Variants in ORC5 observed in about 807,000 individuals in gnomAD.
The protein encoded by ORC5 is protein phosphatase 1, regulatory subunit 117.
Under a neutral mutation model 58.8 loss-of-function variants are expected in ORC5, and 39 were observed. The observed-to-expected ratio is 0.66, with a 90% CI of 0.51 to 0.87. The LOEUF (loss-of-function observed/expected upper bound fraction) is 0.87, where lower values mean the gene tolerates loss of function less well. Ranked by LOEUF, ORC5 falls within the 40% of genes least tolerant of loss-of-function variation. ORC5 has a pLI of 0.00. For synonymous variants in ORC5, 218 were observed against 177.6 expected, an observed-to-expected ratio of 1.23 and a Z score of -1.81; for missense variants, 493 against 506.3, an observed-to-expected ratio of 0.97 and a Z score of 0.25.
chr7:104,182,092 T>C (rs1358724967), intron 8 of ORC5, among the ~76,000 whole-genome samples: 4 of 152,188 alleles, frequency 2.6e-5, no homozygotes, highest in African/African-American at 9.7e-5. Context: ...TTCTTCTAGG[T>C]TCCCCCAATC....
chr7:104,198,584 T>C (rs1350138152), intron 3 of ORC5, among the ~76,000 whole-genome samples: 6 of 152,186 alleles, frequency 3.9e-5, no homozygotes, highest in Non-Finnish European at 1.5e-5. Context: ...CATTCAGTCA[T>C]ATGCATTCAC....
At chr7:104,149,942 A>G (rs1798818733) in intron 12 of ORC5, among the ~76,000 whole-genome samples, 1 of 152,160 alleles carries the variant, frequency 6.6e-6, no homozygotes, top group Non-Finnish European at 1.5e-5. Flanking sequence ...GGGTTATACA[A>G]TATTTGTTTA....
At chr7:104,189,710 C>CTGAGCTTGGGACCCCACTGGTCCT (rs1258046909) in intron 5 of ORC5, among the ~76,000 whole-genome samples, 104 of 152,264 alleles carry the variant, frequency 6.8e-4, no homozygotes, top group African/African-American at 2.3e-3. Context: ...ACAGAAGCTC[C>CTGAGCTTGGGACCCCACTGGTCCT]TGAGCTTGGG....
chr7:104,165,454 C>T (rs758586103), intron 10 of ORC5, 172 bp from the exon 11 acceptor site: 1 of 450,510 alleles, frequency 2.2e-6, no homozygotes, highest in Non-Finnish European at 3.9e-6. Flanking sequence ...ATATTTTAGG[C>T]CAATTTCGTT....
In ORC5 at chr7:104,204,221, C is replaced by A; in HGVS notation, c.86G>T (p.Ser29Ile). ...TCCATAAATAAAAATGGATGGAAAG[C>A]TGAAATGATGTCTCTAACGAGAGAA... ...QSLFGERHHFSFPSIFIYGHT... is the reference protein window; with the variant it reads ...QSLFGERHHFIFPSIFIYGHT... The change falls in exon 2 of 14, where the codon AGC (serine) becomes ATC (isoleucine). Residue 29 changes from serine (S) to isoleucine (I), a missense_variant. Around this residue, in one of 3 missense-constraint regions of ORC5, gnomAD observed 412 missense variants for 403.7 expected, o/e 1.02. Coordinates refer to ENST00000297431, the MANE Select transcript of ORC5 (RefSeq NM_002553.4). 6.3e-7 allele frequency: 1 copy of A among 1,592,308 alleles called. No individual in the cohort carries two copies. Among genetic ancestry groups the A allele is most frequent in the South Asian group, 1.1e-5 (1 of 87,146 alleles).
chr7:104,154,309 G>C (rs984873496), intron 12 of ORC5, among the ~76,000 whole-genome samples: 11 of 151,888 alleles, frequency 7.2e-5, no homozygotes, highest in African/African-American at 2.4e-4. Flanking sequence ...ATGTCAGAAG[G>C]AAATATTCAA....
chr7:104,176,099 A>G (rs1422777119), intron 8 of ORC5, among the ~76,000 whole-genome samples: 1 of 152,250 alleles, frequency 6.6e-6, no homozygotes, highest in Non-Finnish European at 1.5e-5. Context: ...TTTATCAGAA[A>G]TATAGTTTGG....
chr7:104,200,113 T>C (rs940401891), intron 3 of ORC5, among the ~76,000 whole-genome samples: 2 of 152,186 alleles, frequency 1.3e-5, no homozygotes, highest in Non-Finnish European at 2.9e-5. Flanking sequence ...TAAATCTCTT[T>C]CCTTTATAAA....
chr7:104,166,344 A>G (rs1401123282), intron 10 of ORC5, among the ~76,000 whole-genome samples: 1 of 152,174 alleles, frequency 6.6e-6, no homozygotes, highest in African/African-American at 2.4e-5. Flanking sequence ...TAAAGTGACA[A>G]GAACATAGTG....
At chr7:104,130,667 A>T (rs1340007877) in intron 13 of ORC5, among the ~76,000 whole-genome samples, 1 of 152,168 alleles carries the variant, frequency 6.6e-6, no homozygotes, top group Non-Finnish European at 1.5e-5. Context: ...TACCTCCAAT[A>T]ACCTTTTCCA....
chr7:104,127,282 C>G (rs899443154), intron 13 of ORC5, among the ~76,000 whole-genome samples: 3 of 152,210 alleles, frequency 2.0e-5, no homozygotes, highest in Non-Finnish European at 2.9e-5. Flanking sequence ...CATTGTTTAT[C>G]TTCCGAGACA....
intron 1 of ORC5, among the ~76,000 whole-genome samples, chr7:104,206,800 C>T (rs3779518): frequency 0.52 from 78,823 of 151,988 alleles, 20,967 homozygotes; most frequent in Non-Finnish European, 0.57. Flanking sequence ...TATGTTTAGA[C>T]ACTTTTAGAT....
At chr7:104,154,950 G>T (rs1798899987) in intron 12 of ORC5, among the ~76,000 whole-genome samples, 1 of 151,530 alleles carries the variant, frequency 6.6e-6, no homozygotes, top group Non-Finnish European at 1.5e-5. Context: ...AATTACAGAT[G>T]AAGTATTTGC....
chr7:104,205,012 T>A lies in ORC5; in HGVS notation c.73-778A>T, dbSNP rs191015619. Among the ~76,000 whole-genome samples, 18 of 152,016 alleles carry A rather than the reference T, an allele frequency of 1.2e-4. No individual in the cohort carries two copies. The East Asian group carries it at 3.1e-3, about 26-fold the overall frequency. On this transcript the variant is annotated intron_variant, in intron 1 of 13. Transcript: ENST00000297431. ...AGAGAACAAATAACAGTAAAAGACATTATCTACTTTGGAGGAAATTATAGT... is the reference window on the plus strand; with the variant it reads ...AGAGAACAAATAACAGTAAAAGACAATATCTACTTTGGAGGAAATTATAGT...
intron 11 of ORC5, among the ~76,000 whole-genome samples, chr7:104,164,471 G>C (rs549802081): frequency 3.9e-4 from 60 of 152,152 alleles, no homozygotes; most frequent in Non-Finnish European, 7.9e-4. Flanking sequence ...GTCTATTGTA[G>C]GAGTTCAAGA....
chr7:104,203,264 G>A (rs4615506), intron 2 of ORC5, among the ~76,000 whole-genome samples: 1 of 152,202 alleles, frequency 6.6e-6, no homozygotes, highest in African/African-American at 2.4e-5. Context: ...CTGTGGGCTA[G>A]CCACCTGTTT....
At chr7:104,184,991 T>C (rs1413393075) in intron 6 of ORC5, among the ~76,000 whole-genome samples, 1 of 152,118 alleles carries the variant, frequency 6.6e-6, no homozygotes, top group Non-Finnish European at 1.5e-5. Flanking sequence ...TTTCTTTCTG[T>C]AACCTCAGGA....
At position 104,136,884 on chromosome 7, in the gene ORC5, G is replaced by T. The variant is rs1336660713; in HGVS notation, c.1159C>A (p.Leu387Ile). ...AGGGTTAACAGCTGAAGGGTCACTAGAGAGGTAATCTAAAAGAGAACATTT... is the reference window on the plus strand; with the variant it reads ...AGGGTTAACAGCTGAAGGGTCACTATAGAGGTAATCTAAAAGAGAACATTT... ...TANIFSQITS[L>I]VTLQLLTLVG... Residue 387 changes from leucine to isoleucine, a missense_variant, in exon 13 of 14, where the codon CTA becomes ATA. Physicochemically the swap from Leu to Ile is conservative, Grantham distance 5. Coordinates refer to ENST00000297431, the MANE Select transcript of ORC5 (RefSeq NM_002553.4). This position sits in a 1 kb window ranked among gnomAD's most constrained non-coding sequence, Gnocchi z 4.2. 1 of 1,610,838 alleles carries T rather than the reference G, an allele frequency of 6.2e-7. No individual in the cohort carries two copies. Among genetic ancestry groups the T allele is most frequent in the East Asian group, 2.2e-5 (1 of 44,828 alleles).
intron 10 of ORC5, among the ~76,000 whole-genome samples, 161 bp downstream of exon 10, chr7:104,166,611 G>A (rs1236755652): frequency 2.0e-5 from 3 of 152,106 alleles, no homozygotes; most frequent in Non-Finnish European, 4.4e-5. Flanking sequence ...TCAAATTTGA[G>A]GTTGTGACAT....
Sources: allele counts gnomAD v4.1 joint callset (sites outside exome capture counted in the v4.1 genomes callset), GRCh38; gene constraint gnomAD v4.1.1; regional missense constraint gnomAD v4.1.1; non-coding constraint Gnocchi (gnomAD v3.1); transcripts MANE v1.5; gene names NCBI Gene and HGNC (gene_info 2026-07-23, HGNC 2026-07-21).